The following NRG1 variants were observed in gnomAD, a reference collection of about 807,000 sequenced individuals.
The protein encoded by NRG1 is pro-neuregulin-1, membrane-bound isoform.
NRG1 carries 18 observed loss-of-function variants against 63.8 expected under a neutral mutation model. The ratio of observed to expected loss-of-function variants is 0.28; its 90% confidence interval spans 0.19 to 0.42. The LOEUF (loss-of-function observed/expected upper bound fraction) is 0.42. Ranked by LOEUF, NRG1 falls within the 10% of genes least tolerant of loss-of-function variation. The pLI is 1.00. For missense variants in NRG1, 762 were observed against 814.7 expected (o/e 0.94, Z 0.79); for synonymous variants, 302 against 301.3 (o/e 1.00, Z -0.02).
At chr8:32,095,622 A>T (rs1829800639) in intron 1 of NRG1, among the ~76,000 whole-genome samples, 1 of 152,212 alleles carries the variant, frequency 6.6e-6, no homozygotes, top group Non-Finnish European at 1.5e-5. Context: ...AAGAATAAAT[A>T]ACTCTATGCC....
At chr8:31,819,032 C>T (rs1243347776) in intron 1 of NRG1, among the ~76,000 whole-genome samples, 2 of 151,962 alleles carry the variant, frequency 1.3e-5, no homozygotes, top group Non-Finnish European at 2.9e-5. Context: ...CCAGCCCGGG[C>T]GACAGAGTGA....
At chr8:31,816,379 T>A (rs950755058) in intron 1 of NRG1, among the ~76,000 whole-genome samples, 1 of 152,206 alleles carries the variant, frequency 6.6e-6, no homozygotes, top group Non-Finnish European at 1.5e-5. Flanking sequence ...AATTCCAGCA[T>A]GATTCTTACT....
At chr8:32,720,053 C>G (rs1261338182) in intron 5 of NRG1, among the ~76,000 whole-genome samples, 1 of 151,862 alleles carries the variant, frequency 6.6e-6, no homozygotes, top group Non-Finnish European at 1.5e-5. Context: ...AATGAATTTA[C>G]CTTATGATTT....
chr8:32,600,309 A>C (rs749583084), intron 2 of NRG1, among the ~76,000 whole-genome samples: 1 of 144,836 alleles, frequency 6.9e-6, no homozygotes, highest in Non-Finnish European at 1.5e-5. Flanking sequence ...GTTTTACACT[A>C]TCTGAAGCAG....
At chr8:31,838,581 T>G (rs1825897312) in intron 1 of NRG1, among the ~76,000 whole-genome samples, 1 of 152,176 alleles carries the variant, frequency 6.6e-6, no homozygotes, top group Non-Finnish European at 1.5e-5. Context: ...GATATGCCTT[T>G]CCATTTGTTT....
At chr8:32,167,613 A>G (rs944111609) in intron 1 of NRG1, among the ~76,000 whole-genome samples, 2 of 152,204 alleles carry the variant, frequency 1.3e-5, no homozygotes, top group Admixed American at 6.5e-5. Flanking sequence ...GGTGCAATCA[A>G]TGATAGGTTT....
At chr8:32,100,459 T>C (rs1830427317) in intron 1 of NRG1, among the ~76,000 whole-genome samples, 1 of 152,178 alleles carries the variant, frequency 6.6e-6, no homozygotes, top group Non-Finnish European at 1.5e-5. Context: ...GGCTTAGTAA[T>C]TGGCAGAGCA....
At chr8:32,646,552 C>A (rs547926839) in intron 5 of NRG1, among the ~76,000 whole-genome samples, 3 of 152,272 alleles carry the variant, frequency 2.0e-5, no homozygotes, top group South Asian at 4.1e-4. Context: ...CACCACCCCC[C>A]ACCCCATCCC....
intron 1 of NRG1, among the ~76,000 whole-genome samples, chr8:32,276,822 C>T (rs182054482): frequency 1.3e-5 from 2 of 152,314 alleles, no homozygotes; most frequent in East Asian, 3.9e-4. Context: ...TAGGAGACCT[C>T]CTGGGAGATA....
intron 1 of NRG1, among the ~76,000 whole-genome samples, chr8:31,717,971 A>C (rs1812525746): frequency 6.6e-6 from 1 of 152,174 alleles, no homozygotes. Flanking sequence ...GTGTGTGTAG[A>C]TGTAGACATA....
chr8:31,824,012 CT>C lies in NRG1; in HGVS notation c.37+184590del, dbSNP rs199692463. ...TTTAGCAGTTTCTCTTCTTCTATTTCTTTTTTTTTATATTTTTTATTATACT... is the reference window on the plus strand; with the variant it reads ...TTTAGCAGTTTCTCTTCTTCTATTTCTTTTTTTTATATTTTTTATTATACT... On this transcript the variant is annotated intron_variant, in intron 1 of 10. Coordinates refer to the NRG1 transcript ENST00000519301. Among the ~76,000 whole-genome samples, 1,033 of 151,340 alleles carry C rather than the reference CT, an allele frequency of 6.8e-3. 17 individuals carry two copies. The highest frequency in any genetic ancestry group is 0.022 in the African/African-American group (926 of 41,280).
At chr8:31,890,612 G>A (rs1248876776) in intron 1 of NRG1, among the ~76,000 whole-genome samples, 1 of 152,136 alleles carries the variant, frequency 6.6e-6, no homozygotes, top group Non-Finnish European at 1.5e-5. Context: ...CCCAAATAAT[G>A]TTGAGAACAA....
At chr8:32,768,452 C>G (rs896776446), downstream of NRG1, among the ~76,000 whole-genome samples, 1 of 152,152 alleles carries the variant, frequency 6.6e-6, no homozygotes, top group East Asian at 1.9e-4. Context: ...TTATACCATC[C>G]GCTAATGACT....
In NRG1 at chr8:32,648,231, C is replaced by T. The variant is rs1202976441; in HGVS notation, c.502+31346C>T. 2.5e-6 allele frequency: 4 copies of T among 1,613,960 alleles called. No individual in the cohort carries two copies. The Admixed American group carries it at 5.0e-5, about 20-fold the overall frequency. ...TGTCTCCTTTGAACCATCAGCGGCA[C>T]CGACACCGAAGAATCGTATTTTTGC... On this transcript the variant is annotated intron_variant, in intron 5 of 11. Coordinates refer to ENST00000356819, the Ensembl canonical transcript of NRG1.
rs557270318 is a variant in NRG1, at chr8:32,489,760, C to T, written c.38-106068C>T. Among the ~76,000 whole-genome samples, 211 of 152,332 alleles carry T rather than the reference C, an allele frequency of 1.4e-3. 1 individual carries two copies. Among genetic ancestry groups the T allele is most frequent in the Non-Finnish European group, 2.7e-3 (185 of 68,032 alleles). On this transcript the variant is annotated intron_variant, in intron 1 of 10. Transcript: ENST00000519301. Reference sequence around the variant, plus strand: ...GCAAATATTATGTCAGTGGAAAATACAGCCAAGTTTTGGCTCATCCAAAAT... The same window carrying T: ...GCAAATATTATGTCAGTGGAAAATATAGCCAAGTTTTGGCTCATCCAAAAT...
At chr8:31,718,357 C>T (rs1344531380) in intron 1 of NRG1, among the ~76,000 whole-genome samples, 1 of 152,094 alleles carries the variant, frequency 6.6e-6, no homozygotes, top group Admixed American at 6.6e-5. Context: ...AATGTGGATT[C>T]GTTCGTATCA....
intron 5 of NRG1, among the ~76,000 whole-genome samples, chr8:32,701,101 G>A (rs1274109914): frequency 1.3e-5 from 2 of 152,224 alleles, no homozygotes; most frequent in East Asian, 3.9e-4. Context: ...CCAGAAGTCG[G>A]GTCCTGTTCA....
intron 5 of NRG1, among the ~76,000 whole-genome samples, chr8:32,672,481 A>T (rs1805946142): frequency 6.6e-6 from 1 of 152,200 alleles, no homozygotes; most frequent in African/African-American, 2.4e-5. Context: ...CCCAAATTCT[A>T]GTTTAGACAG....
chr8:32,117,738 A>T (rs548925179), intron 1 of NRG1, among the ~76,000 whole-genome samples: 1 of 152,172 alleles, frequency 6.6e-6, no homozygotes, highest in Non-Finnish European at 1.5e-5. Context: ...ACACATATGT[A>T]TAAGGCATTC....
Sources: allele counts gnomAD v4.1 joint callset (sites outside exome capture counted in the v4.1 genomes callset), GRCh38; gene constraint gnomAD v4.1.1; transcripts MANE v1.5; gene names NCBI Gene and HGNC (gene_info 2026-07-23, HGNC 2026-07-21).